The following SWT1 variants were observed in gnomAD, a reference collection of about 807,000 sequenced individuals.
SWT1 encodes the protein transcriptional protein SWT1.
Under a neutral mutation model 107.3 loss-of-function variants are expected in SWT1, and 33 were observed. That is an observed-to-expected ratio of 0.31 (90% CI 0.23 to 0.41). The LOEUF is 0.41. Ranked by LOEUF, SWT1 falls within the 10% of genes least tolerant of loss-of-function variation. The pLI, the probability that SWT1 is intolerant of heterozygous loss-of-function variation, is 1.00. For synonymous variants in SWT1, 345 were observed against 348.3 expected (o/e 0.99, Z 0.11); for missense variants, 898 against 1,028.9 (o/e 0.87, Z 1.74).
chr1:185,198,168 T>C (rs866306716), intron 10 of SWT1, among the ~76,000 whole-genome samples: 1 of 152,230 alleles, frequency 6.6e-6, no homozygotes, highest in Non-Finnish European at 1.5e-5. Context: ...AAAGAGCTTA[T>C]TTATTTCTGC....
intron 16 of SWT1, among the ~76,000 whole-genome samples, chr1:185,241,056 C>T (rs1054613557): frequency 2.0e-5 from 3 of 151,960 alleles, no homozygotes; most frequent in African/African-American, 7.2e-5. Flanking sequence ...GATAGTTGAC[C>T]TCTTAAGATT....
At chr1:185,166,309 A>G (rs6695308) in intron 2 of SWT1, among the ~76,000 whole-genome samples, 3,635 of 152,292 alleles carry the variant, frequency 0.024, 132 homozygotes, top group African/African-American at 0.082. Context: ...CCTCACAACA[A>G]CCTTATCTGA....
At chr1:185,275,015 A>G (rs917806176) in intron 17 of SWT1, among the ~76,000 whole-genome samples, 10 of 152,180 alleles carry the variant, frequency 6.6e-5, no homozygotes, top group Non-Finnish European at 1.5e-4. Context: ...GTTCTTGGAT[A>G]AATGTCTAAA....
intron 15 of SWT1, among the ~76,000 whole-genome samples, chr1:185,223,749 C>T (rs1378327446): frequency 3.3e-5 from 5 of 152,148 alleles, no homozygotes; most frequent in Non-Finnish European, 7.3e-5. Context: ...TTCACCCAGG[C>T]ATTAGGCCTA....
chr1:185,166,933 G>T (rs1462250999), intron 3 of SWT1, among the ~76,000 whole-genome samples: 5 of 151,996 alleles, frequency 3.3e-5, no homozygotes, highest in Non-Finnish European at 7.4e-5. Flanking sequence ...TTGAGACAGA[G>T]TCTTACTCTG....
Position 185,202,760 on chromosome 1 carries a change from T to C in SWT1, c.1630T>C (p.Cys544Arg), listed in dbSNP as rs1657988492. The C allele has an allele frequency of 6.3e-7, 1 of 1,588,102 alleles. No homozygotes were observed. Among genetic ancestry groups the C allele is most frequent in the Non-Finnish European group, 8.6e-7 (1 of 1,166,800 alleles). Reference sequence around the variant, plus strand: ...ACACTTATCTCTGAACACAGATGTGTGTCATCAGCCTTGTATTCCTAAGCA... The same window carrying C: ...ACACTTATCTCTGAACACAGATGTGCGTCATCAGCCTTGTATTCCTAAGCA... ...LLHLSLNTDV[C>R]HQPCIPKQQL... Residue 544 changes from cysteine to arginine, a missense_variant, in exon 11 of 19, where the codon TGT becomes CGT. Around this residue, in one of 6 missense-constraint regions of SWT1, gnomAD observed 382 missense variants for 460.0 expected, o/e 0.83. Coordinates refer to ENST00000367500, the MANE Select transcript of SWT1 (RefSeq NM_017673.7).
intron 15 of SWT1, 50 bp from the exon 16 acceptor site, chr1:185,231,527 C>A: frequency 7.5e-7 from 1 of 1,335,256 alleles, no homozygotes; most frequent in Non-Finnish European, 1.1e-6. Context: ...ACTTGAATTA[C>A]ATTAAATATG....
intron 18 of SWT1, among the ~76,000 whole-genome samples, chr1:185,289,337 C>T (rs1008689097): frequency 1.3e-5 from 2 of 152,142 alleles, no homozygotes; most frequent in Admixed American, 1.3e-4. Flanking sequence ...CCGTGGTGGA[C>T]CTGCCACCAA....
At chr1:185,236,040 A>G (rs1034587286) in intron 16 of SWT1, among the ~76,000 whole-genome samples, 7 of 152,228 alleles carry the variant, frequency 4.6e-5, no homozygotes, top group African/African-American at 1.7e-4. Flanking sequence ...GCTCAAAGAA[A>G]TAAGAGAAGA....
intron 16 of SWT1, among the ~76,000 whole-genome samples, chr1:185,239,449 C>T (rs951428): frequency 0.32 from 48,990 of 151,806 alleles, 8,128 homozygotes; most frequent in Non-Finnish European, 0.36. Flanking sequence ...GAGCAGTTGT[C>T]GGTATGGTTA....
chr1:185,233,992 C>G (rs1035198251), intron 16 of SWT1, among the ~76,000 whole-genome samples: 1 of 152,162 alleles, frequency 6.6e-6, no homozygotes, highest in East Asian at 1.9e-4. Context: ...GATCCACCCC[C>G]CTCAGCCTCC....
chr1:185,213,053 T>C (rs1658947561), intron 13 of SWT1, among the ~76,000 whole-genome samples: 1 of 152,204 alleles, frequency 6.6e-6, no homozygotes. Context: ...CATTAGACTA[T>C]TTCATTCATG....
At chr1:185,234,060 G>A (rs115250847) in intron 16 of SWT1, among the ~76,000 whole-genome samples, 2,793 of 152,206 alleles carry the variant, frequency 0.018, 72 homozygotes, top group African/African-American at 0.064. Flanking sequence ...TAAAATAAGG[G>A]CAGTGTGGTG....
chr1:185,265,137 A>ATGTTT (rs1663283302), intron 16 of SWT1, among the ~76,000 whole-genome samples: 1 of 152,138 alleles, frequency 6.6e-6, no homozygotes, highest in Non-Finnish European at 1.5e-5. Context: ...TTTATGTTTA[A>ATGTTT]TAGTTATATG....
chr1:185,247,013 G>A (rs1661662996), intron 16 of SWT1, among the ~76,000 whole-genome samples: 2 of 152,096 alleles, frequency 1.3e-5, no homozygotes, highest in African/African-American at 4.8e-5. Flanking sequence ...AGAAATAGTG[G>A]CATCAGCTCT....
intron 16 of SWT1, among the ~76,000 whole-genome samples, chr1:185,239,665 T>C (rs1661128227): frequency 6.6e-6 from 1 of 152,088 alleles, no homozygotes; most frequent in Admixed American, 6.6e-5. Flanking sequence ...TTAATAGTTT[T>C]CTCATCTAAC....
chr1:185,184,447 A>G (rs1488059207), intron 8 of SWT1, 103 bp downstream of exon 8: 2 of 713,184 alleles, frequency 2.8e-6, no homozygotes, highest in Non-Finnish European at 4.8e-6. Context: ...CTCCATTTAG[A>G]TATGCTATAT....
At chr1:185,176,286 CAAAAAAAAAAAAAAA>C (rs71101962) in intron 5 of SWT1, among the ~76,000 whole-genome samples, 1,465 of 47,566 alleles carry the variant, frequency 0.031, 123 homozygotes, top group East Asian at 0.22. Flanking sequence ...ACCTTGTCTC[CAAAAAAAAAAAAAAA>C]AAAAAAAAAA....
intron 15 of SWT1, among the ~76,000 whole-genome samples, chr1:185,225,706 A>C (rs1016127767): frequency 6.6e-6 from 1 of 152,324 alleles, no homozygotes; most frequent in Non-Finnish European, 1.5e-5. Context: ...AAGTCATACC[A>C]TCTAGGTTTA....
Sources: allele counts gnomAD v4.1 joint callset (sites outside exome capture counted in the v4.1 genomes callset), GRCh38; gene constraint gnomAD v4.1.1; regional missense constraint gnomAD v4.1.1; transcripts MANE v1.5; gene names NCBI Gene and HGNC (gene_info 2026-07-23, HGNC 2026-07-21).